The following RHBDD1 variants were observed in gnomAD, a reference collection of about 807,000 sequenced individuals.
RHBDD1 encodes the protein rhomboid-related protein 4.
Under a neutral mutation model 36.3 loss-of-function variants are expected in RHBDD1, and 38 were observed. The observed-to-expected ratio is 1.05, with a 90% CI of 0.81 to 1.37. RHBDD1 has a LOEUF of 1.37. Among genes scored for constraint, RHBDD1 ranks in the 40% most tolerant of loss-of-function variants. The pLI is 0.00. For synonymous variants in RHBDD1, 151 were observed against 136.5 expected, an observed-to-expected ratio of 1.11 and a Z score of -0.74; for missense variants, 393 against 377.6, an observed-to-expected ratio of 1.04 and a Z score of -0.34.
chr2:226,816,326 C>T, the RHBDD1 span, among the ~76,000 whole-genome samples: 9 of 134,970 alleles, frequency 6.7e-5, no homozygotes, highest in African/African-American at 2.6e-4. Flanking sequence ...TTTGAATATT[C>T]TGAACTGCAA....
intron 3 of RHBDD1, among the ~76,000 whole-genome samples, chr2:226,852,901 T>TTTTTTATTATTA (rs1553543386): frequency 8.0e-6 from 1 of 125,204 alleles, no homozygotes; most frequent in African/African-American, 3.2e-5. Flanking sequence ...ACCTGGCTAA[T>TTTTTTATTATTA]TTATTATTAT....
At chr2:226,938,778 A>G (rs762798678) in intron 8 of RHBDD1, among the ~76,000 whole-genome samples, 8 of 152,198 alleles carry the variant, frequency 5.3e-5, no homozygotes, top group African/African-American at 1.7e-4. Context: ...AACTCATTCT[A>G]TGAGTCCAGC....
intron 8 of RHBDD1, among the ~76,000 whole-genome samples, chr2:226,953,268 C>T (rs773034242): frequency 6.6e-6 from 1 of 152,118 alleles, no homozygotes; most frequent in Non-Finnish European, 1.5e-5. Flanking sequence ...TTCACATGAG[C>T]ACCAGTTAGA....
At chr2:226,990,575 A>G (rs1382611538) in intron 8 of RHBDD1, among the ~76,000 whole-genome samples, 1 of 152,100 alleles carries the variant, frequency 6.6e-6, no homozygotes, top group Non-Finnish European at 1.5e-5. Context: ...GGTAGGGAAA[A>G]TGGCCATCAA....
intron 8 of RHBDD1, among the ~76,000 whole-genome samples, chr2:226,966,304 C>T (rs961984345): frequency 6.6e-6 from 1 of 152,204 alleles, no homozygotes; most frequent in African/African-American, 2.4e-5. Context: ...CCGTAAGGCT[C>T]ATCCTTGGTA....
intron 5 of RHBDD1, among the ~76,000 whole-genome samples, chr2:226,890,473 T>A (rs1393534609): frequency 6.6e-6 from 1 of 152,260 alleles, no homozygotes; most frequent in Non-Finnish European, 1.5e-5. Flanking sequence ...TCTTCTTGAC[T>A]CTTATTAGAA....
At chr2:226,878,600 A>C (rs1346737397) in intron 5 of RHBDD1, among the ~76,000 whole-genome samples, 1 of 152,196 alleles carries the variant, frequency 6.6e-6, no homozygotes, top group African/African-American at 2.4e-5. Flanking sequence ...CCCAACCATC[A>C]GTGGCATCAG....
At chr2:226,934,116 G>A (rs1446804054) in intron 8 of RHBDD1, among the ~76,000 whole-genome samples, 1 of 152,078 alleles carries the variant, frequency 6.6e-6, no homozygotes, top group Non-Finnish European at 1.5e-5. Flanking sequence ...GTTTCGCTCA[G>A]CAACAGACCA....
intron 5 of RHBDD1, 53 bp from the exon 6 acceptor site, chr2:226,906,740 G>T: frequency 1.2e-6 from 2 of 1,613,626 alleles, no homozygotes; most frequent in Non-Finnish European, 8.5e-7. Flanking sequence ...AAGACAGAAT[G>T]TCTCTAATCA....
At chr2:226,887,957 G>A (rs565838961) in intron 5 of RHBDD1, among the ~76,000 whole-genome samples, 14 of 152,298 alleles carry the variant, frequency 9.2e-5, no homozygotes, top group African/African-American at 2.2e-4. Context: ...GATACAACAC[G>A]TATGCAGATG....
At chr2:226,949,958 T>G (rs963534676) in intron 8 of RHBDD1, among the ~76,000 whole-genome samples, 2 of 152,226 alleles carry the variant, frequency 1.3e-5, no homozygotes, top group Non-Finnish European at 2.9e-5. Flanking sequence ...CAAAATTGTA[T>G]CTGTTTTTCA....
the RHBDD1 span, chr2:226,800,197 G>C: frequency 6.6e-6 from 1 of 152,538 alleles, no homozygotes; most frequent in Non-Finnish European, 1.5e-5. Flanking sequence ...GGGGGCGCCG[G>C]AGCTGGGCTG....
chr2:226,900,340 G>A (rs890666008), intron 5 of RHBDD1, among the ~76,000 whole-genome samples: 5 of 152,140 alleles, frequency 3.3e-5, no homozygotes, highest in African/African-American at 1.2e-4. Context: ...GAATCACTGT[G>A]ACCCTGGAAA....
At chr2:226,934,174 T>A (rs1950200881) in intron 8 of RHBDD1, among the ~76,000 whole-genome samples, 1 of 152,176 alleles carries the variant, frequency 6.6e-6, no homozygotes, top group African/African-American at 2.4e-5. Flanking sequence ...ATTTTTATTA[T>A]ACCTTTTCTA....
At position 226,933,984 on chromosome 2, in the gene RHBDD1, A is replaced by G. The variant is rs969614382; in HGVS notation, c.856+19633A>G. 3.3e-5 allele frequency among the ~76,000 whole-genome samples: 5 copies of G among 152,214 alleles called. No homozygotes were observed. The East Asian group carries it at 9.7e-4, about 29-fold the overall frequency. On this transcript the variant is annotated intron_variant, in intron 8 of 8. Coordinates refer to ENST00000392062, the MANE Select transcript of RHBDD1 (RefSeq NM_001167608.3). Reference sequence around the variant, plus strand: ...TTCCAAGGTTTTAGACTAAGGAGTTAATGTAATAGTTACCAATAATACTGA... The same window carrying G: ...TTCCAAGGTTTTAGACTAAGGAGTTGATGTAATAGTTACCAATAATACTGA...
chr2:226,895,722 G>T (rs1947048975), intron 5 of RHBDD1: 10 of 985,112 alleles, frequency 1.0e-5, no homozygotes, highest in Non-Finnish European at 1.2e-5. Flanking sequence ...CAAAGCTAAT[G>T]ATTATGACTT....
At chr2:226,931,610 T>C (rs538140972) in intron 8 of RHBDD1, among the ~76,000 whole-genome samples, 1 of 152,230 alleles carries the variant, frequency 6.6e-6, no homozygotes, top group South Asian at 2.1e-4. Flanking sequence ...TTCATCCATG[T>C]AACTAAAAAT....
In RHBDD1 at chr2:226,845,837, G is replaced by C. The variant is rs530767533; in HGVS notation, c.-91+6210G>C. ...CTTTTAAAGATATATTTGATTAACA[G>C]GAAGCTGATCTGTGTAAATTAATTA... On this transcript the variant is annotated intron_variant, in intron 3 of 8. Coordinates refer to ENST00000392062, the MANE Select transcript of RHBDD1 (RefSeq NM_001167608.3). 1.0e-3 allele frequency among the ~76,000 whole-genome samples: 159 copies of C among 152,324 alleles called. 3 individuals are homozygous for C. The highest frequency in any genetic ancestry group is 3.8e-3 in the African/African-American group (156 of 41,560).
chr2:226,801,467 C>T, the RHBDD1 span, among the ~76,000 whole-genome samples: 4 of 152,324 alleles, frequency 2.6e-5, no homozygotes, highest in African/African-American at 9.6e-5. Flanking sequence ...GGGGATTGGG[C>T]ATCTGCAGAG....
Sources: gnomAD v4.1 joint callset for allele counts (sites outside exome capture counted in the v4.1 genomes callset) on GRCh38, gnomAD v4.1.1 for gene constraint, MANE v1.5 for transcripts, NCBI Gene and HGNC (gene_info 2026-07-23, HGNC 2026-07-21) for gene names.